TTLL3: variants seen among roughly 807,000 people sequenced by gnomAD.
TTLL3 encodes the protein tubulin tyrosine ligase like 3.
TTLL3 carries 63 observed loss-of-function variants against 75.2 expected under a neutral mutation model. That is an observed-to-expected ratio of 0.84 (90% CI 0.68 to 1.03). The LOEUF is 1.03. Among genes scored for constraint, TTLL3 ranks in the 50% least tolerant of loss-of-function variants. TTLL3 has a pLI of 0.00. For missense variants in TTLL3, 997 were observed against 1,069.9 expected (o/e 0.93, Z 0.95); for synonymous variants, 393 against 418.5 (o/e 0.94, Z 0.74).
intron 13 of TTLL3, 51 bp downstream of exon 13, chr3:9,834,958 T>C (rs753281584): frequency 1.2e-5 from 20 of 1,613,660 alleles, no homozygotes; most frequent in Non-Finnish European, 1.7e-5. Flanking sequence ...GAGCACGGGG[T>C]CAGGGCTGGA....
At chr3:9,815,284 A>G (rs1184303558) in intron 4 of TTLL3, among the ~76,000 whole-genome samples, 1 of 151,394 alleles carries the variant, frequency 6.6e-6, no homozygotes, top group African/African-American at 2.4e-5. Context: ...GAATGGCTGA[A>G]TATTGGCAGC....
At position 9,810,599 on chromosome 3, in the gene TTLL3, C is replaced by T. The variant is rs778817238; in HGVS notation, c.-41-22C>T. ...AGGCCCAGCCTCAGTGTACCCCGCC[C>T]CTATTCCGCATCTTTCTGCAGGTTT... On this transcript the variant is annotated intron_variant, in intron 1 of 13. Transcript: ENST00000685419. This position sits in a 1 kb window ranked among gnomAD's most constrained non-coding sequence, Gnocchi z 4.4. 1.3e-6 allele frequency: 2 copies of T among 1,553,434 alleles called. No individual in the cohort carries two copies. Among genetic ancestry groups the T allele is most frequent in the Non-Finnish European group, 1.7e-6 (2 of 1,147,746 alleles).
At chr3:9,826,571 A>G (rs769066501) in intron 9 of TTLL3, among the ~76,000 whole-genome samples, 59 of 151,954 alleles carry the variant, frequency 3.9e-4, no homozygotes, top group Non-Finnish European at 7.4e-4. Flanking sequence ...TGTCTCTACT[A>G]AAAATACAAA....
intron 11 of TTLL3, among the ~76,000 whole-genome samples, chr3:9,830,133 G>A (rs1437385862): frequency 2.6e-5 from 4 of 152,104 alleles, no homozygotes; most frequent in Admixed American, 6.6e-5. Context: ...AGAAGCCACC[G>A]TGCCCAGCCA....
At chr3:9,811,575 A>G (rs1245419340) in intron 2 of TTLL3, among the ~76,000 whole-genome samples, 1 of 152,258 alleles carries the variant, frequency 6.6e-6, no homozygotes, top group Non-Finnish European at 1.5e-5. Flanking sequence ...TAGCTGGTCT[A>G]CCTCCATCCT....
At chr3:9,813,432 C>T in intron 4 of TTLL3, 87 bp downstream of exon 4, 1 of 1,454,790 alleles carries the variant, frequency 6.9e-7, no homozygotes, top group South Asian at 1.2e-5. Context: ...TCAGACAAGT[C>T]CTTTCTTTCT....
intron 4 of TTLL3, 66 bp downstream of exon 4, chr3:9,813,411 G>C: frequency 1.3e-6 from 2 of 1,577,222 alleles, no homozygotes; most frequent in Non-Finnish European, 1.7e-6. Flanking sequence ...TTGGTGTCCA[G>C]CTGGGTGACC....
At position 9,817,464 on chromosome 3, in the gene TTLL3, C is replaced by G. The variant is rs60407632; in HGVS notation, c.445-181C>G. 986 of 985,148 alleles carry G rather than the reference C, an allele frequency of 1.0e-3. 8 individuals are homozygous for G. In the African/African-American group the frequency reaches 0.016, roughly 16 times the overall value. The allele number at this position is 985,148 out of a possible 1,614,324, so 61.0% of individuals were successfully genotyped here. On this transcript the variant is annotated intron_variant, in intron 5 of 13. Coordinates refer to ENST00000685419, the MANE Select transcript of TTLL3 (RefSeq NM_001387446.1). Reference sequence around the variant, plus strand: ...GTGAAAGGGGGGACAGGAGGGACATCAGGCATTCTTGGCAAAGGACACCTC... The same window carrying G: ...GTGAAAGGGGGGACAGGAGGGACATGAGGCATTCTTGGCAAAGGACACCTC...
Position 9,833,273 on chromosome 3 carries a change from G to A in TTLL3, c.1825+28G>A, listed in dbSNP as rs1280766955. 3 of 1,612,292 alleles carry A rather than the reference G, an allele frequency of 1.9e-6. No individual in the cohort carries two copies. In the South Asian group the frequency reaches 3.3e-5, roughly 18 times the overall value. ...AAGGACTCGGGGACCCCTACCCACA[G>A]GTCAGCTTCTAGGAAAGGCACTGGG... On this transcript the variant is annotated intron_variant, in intron 12 of 13. Transcript: ENST00000685419.
intron 8 of TTLL3, among the ~76,000 whole-genome samples, chr3:9,825,079 T>G (rs1002645759): frequency 7.9e-5 from 12 of 152,026 alleles, no homozygotes; most frequent in African/African-American, 2.9e-4. Context: ...GAGCTGGGTG[T>G]GGTAGCTCAT....
In TTLL3 at chr3:9,835,601, G is replaced by C; in HGVS notation, c.*112G>C. The C allele has an allele frequency of 9.2e-7, 1 of 1,086,884 alleles. No individual in the cohort carries two copies. The highest frequency in any genetic ancestry group is 1.3e-6 in the Non-Finnish European group (1 of 766,320). 67.3% of individuals were successfully genotyped at this position (1,086,884 alleles called of 1,614,324 possible). A position where few individuals can be genotyped will look rare whatever the true frequency, so the allele number is the denominator to read the frequency against. ...CATCTCCGATCCAGGGGTGGGGAGC[G>C]TGAGCCTTCACTTTACAGATGAAGA... On this transcript the variant is annotated 3_prime_UTR_variant, in exon 14 of 14. Transcript: ENST00000685419.
In TTLL3 at chr3:9,827,257, G is replaced by T; in HGVS notation, c.1247+17G>T. ...CCTGGACAAGTGAGCCCCTCTGCTC[G>T]CCTCCCACGAGCTCCCTGCCTAGTT... On this transcript the variant is annotated intron_variant, in intron 10 of 13. Transcript: ENST00000685419. 6.2e-7 allele frequency: 1 copy of T among 1,610,714 alleles called. No homozygotes were observed. Among genetic ancestry groups the T allele is most frequent in the Non-Finnish European group, 8.5e-7 (1 of 1,177,340 alleles).
intron 8 of TTLL3, among the ~76,000 whole-genome samples, chr3:9,822,436 G>A (rs2080536288): frequency 6.6e-6 from 1 of 151,954 alleles, no homozygotes; most frequent in Admixed American, 6.6e-5. Context: ...CTAAAGTCGG[G>A]ATTACATAAA....
rs778817238 is a variant in TTLL3 at position 9,810,599 on chromosome 3, C to A, written c.-41-22C>A. 1.9e-6 allele frequency: 3 copies of A among 1,553,434 alleles called. No individual in the cohort carries two copies. The highest frequency in any genetic ancestry group is 2.6e-6 in the Non-Finnish European group (3 of 1,147,746). On this transcript the variant is annotated intron_variant, in intron 1 of 13. Coordinates refer to ENST00000685419, the MANE Select transcript of TTLL3 (RefSeq NM_001387446.1). This position sits in a 1 kb window ranked among gnomAD's most constrained non-coding sequence, Gnocchi z 4.4. ...AGGCCCAGCCTCAGTGTACCCCGCC[C>A]CTATTCCGCATCTTTCTGCAGGTTT... is the stretch of plus-strand genomic sequence containing the variant.
intron 4 of TTLL3, among the ~76,000 whole-genome samples, chr3:9,814,152 A>AT (rs1189564009): frequency 4.0e-5 from 6 of 151,810 alleles, no homozygotes; most frequent in African/African-American, 1.4e-4. Flanking sequence ...AAACAAACAA[A>AT]TAAAAAAACA....
intron 8 of TTLL3, 90 bp from the exon 9 acceptor site, chr3:9,825,710 G>T (rs767091305): frequency 6.2e-7 from 1 of 1,609,758 alleles, no homozygotes; most frequent in South Asian, 1.1e-5. Flanking sequence ...CCTGGATGAC[G>T]GCGGGGGATG....
upstream of TTLL3, chr3:9,810,232 G>A (rs778569153): frequency 1.3e-5 from 20 of 1,508,386 alleles, no homozygotes; most frequent in South Asian, 2.1e-4. The surrounding 1 kb of genome is among the most constrained non-coding windows in gnomAD (Gnocchi z 4.4). Flanking sequence ...GTCCGAGGAG[G>A]GTCACGCAGG....
At chr3:9,826,658 G>A (rs1228033128) in intron 9 of TTLL3, among the ~76,000 whole-genome samples, 5 of 150,436 alleles carry the variant, frequency 3.3e-5, no homozygotes, top group Non-Finnish European at 5.9e-5. Context: ...ACTTGAACCC[G>A]GGAGGCGGAG....
rs1353973091 is a variant in TTLL3 at position 9,810,426 on chromosome 3, T to C, written c.-42+32T>C. 2.1e-6 allele frequency: 3 copies of C among 1,424,342 alleles called. No homozygotes were observed. In the East Asian group the frequency reaches 7.9e-5, roughly 38 times the overall value. 88.2% of individuals were successfully genotyped at this position (1,424,342 alleles called of 1,614,324 possible). A position where few individuals can be genotyped will look rare whatever the true frequency, so the allele number is the denominator to read the frequency against. On this transcript the variant is annotated intron_variant, in intron 1 of 13. Coordinates refer to ENST00000685419, the MANE Select transcript of TTLL3 (RefSeq NM_001387446.1). The surrounding 1 kb of genome is among the most constrained non-coding windows in gnomAD (Gnocchi z 4.4). ...CCCGTGCGGCCCGCTCGCTCTGGCC[T>C]ACAGCGGCTGCGAGGACGACAAGAC...
Sources: gnomAD v4.1 joint callset for allele counts (sites outside exome capture counted in the v4.1 genomes callset) on GRCh38, gnomAD v4.1.1 for gene constraint, Gnocchi (gnomAD v3.1) non-coding constraint, MANE v1.5 for transcripts, NCBI Gene and HGNC (gene_info 2026-07-23, HGNC 2026-07-21) for gene names.